The following TMEM178B variants were observed in gnomAD, a reference collection of about 807,000 sequenced individuals.
TMEM178B encodes transmembrane protein 178B.
A neutral mutation model predicts 31.0 loss-of-function variants in TMEM178B; 5 were observed. That is an observed-to-expected ratio of 0.16 (90% confidence interval 0.08 to 0.34). The LOEUF is 0.34. Ranked by LOEUF, TMEM178B falls within the 10% of genes least tolerant of loss-of-function variation. The probability of loss-of-function intolerance (pLI) is 1.00; values close to 1 mark genes in which losing one functional copy is unlikely to be tolerated. For missense variants in TMEM178B, 275 were observed against 400.3 expected (o/e 0.69, Z 2.67); for synonymous variants, 164 against 164.0 (o/e 1.00, Z 0.00).
rs550891729 is a variant in TMEM178B at position 141,476,559 on chromosome 7, G to A, written c.*5773G>A. On this transcript the variant is annotated 3_prime_UTR_variant, in exon 4 of 4. Transcript: ENST00000565468. ...TCTTTCAAGTTTAGGATGAGACCAA[G>A]TCTCAAGGAGCTGGGATCTTCTTTC... 3.3e-5 allele frequency: 5 copies of A among 152,272 alleles called. No individual in the cohort carries two copies. In the East Asian group the frequency reaches 5.8e-4, roughly 18 times the overall value. 9.4% of individuals were successfully genotyped at this position (152,272 alleles called of 1,614,324 possible).
intron 2 of TMEM178B, among the ~76,000 whole-genome samples, chr7:141,427,481 T>G (rs1801340265): frequency 6.6e-6 from 1 of 152,168 alleles, no homozygotes; most frequent in South Asian, 2.1e-4. Context: ...GTAAATGGTG[T>G]TGGGAAAACT....
intron 3 of TMEM178B, among the ~76,000 whole-genome samples, 187 bp downstream of exon 3, chr7:141,437,932 G>A (rs1215790028): frequency 1.3e-5 from 2 of 152,122 alleles, no homozygotes; most frequent in Admixed American, 6.5e-5. Context: ...CAGCTGTTGG[G>A]GATACAAAGG....
chr7:141,295,714 G>A (rs553053031), intron 2 of TMEM178B, among the ~76,000 whole-genome samples: 1 of 145,002 alleles, frequency 6.9e-6, no homozygotes. Flanking sequence ...TGTATCAAGA[G>A]AGGCAATTCA....
intron 1 of TMEM178B, among the ~76,000 whole-genome samples, chr7:141,211,177 G>C (rs1254236128): frequency 6.6e-6 from 1 of 152,124 alleles, no homozygotes; most frequent in Admixed American, 6.5e-5. Context: ...GAATGCTGGG[G>C]ACATGTGAGA....
At chr7:141,252,480 G>T (rs111489324) in intron 2 of TMEM178B, among the ~76,000 whole-genome samples, 2,652 of 152,304 alleles carry the variant, frequency 0.017, 79 homozygotes, top group African/African-American at 0.061. Flanking sequence ...CCACGATGTA[G>T]ACGTCACTCT....
intron 2 of TMEM178B, among the ~76,000 whole-genome samples, chr7:141,296,760 T>G (rs376385660): frequency 2.0e-5 from 3 of 152,262 alleles, no homozygotes; most frequent in African/African-American, 7.2e-5. Flanking sequence ...TCTGGCAGAA[T>G]TTTAAGTCTG....
At position 141,231,166 on chromosome 7, in the gene TMEM178B, C is replaced by T. The variant is rs200312069; in HGVS notation, c.496+18462C>T. On this transcript the variant is annotated intron_variant, in intron 2 of 3. Coordinates refer to ENST00000565468, the MANE Select transcript of TMEM178B (RefSeq NM_001195278.2). ...AGGACTGAGACATTGTCCTGTTTGC[C>T]TCTGCATTTCCAGCGCCTAGAACAG... is the stretch of plus-strand genomic sequence containing the variant. Among the ~76,000 whole-genome samples the T allele has an allele frequency of 2.0e-5, 3 of 152,166 alleles. No homozygotes were observed. The East Asian group carries it at 5.8e-4, about 29-fold the overall frequency.
intron 1 of TMEM178B, among the ~76,000 whole-genome samples, chr7:141,075,277 C>T (rs752998336): frequency 6.6e-6 from 1 of 152,136 alleles, no homozygotes; most frequent in Admixed American, 6.5e-5. Context: ...TTCTTTATGT[C>T]TCCTTCTGAA....
chr7:141,206,474 T>C (rs6464420), intron 1 of TMEM178B, among the ~76,000 whole-genome samples: 100,461 of 152,044 alleles, frequency 0.66, 33,652 homozygotes, highest in Middle Eastern at 0.7. Context: ...ACCTACCCTC[T>C]GGCTTCTAGT....
At chr7:141,168,724 CA>C (rs756609509) in intron 1 of TMEM178B, among the ~76,000 whole-genome samples, 2 of 151,896 alleles carry the variant, frequency 1.3e-5, no homozygotes, top group Non-Finnish European at 2.9e-5. Context: ...GAGCTGAGAT[CA>C]TGCCACAGCA....
rs533998449 is a variant in TMEM178B at position 141,354,768 on chromosome 7, CTTTG to C, written c.497-82833_497-82830del. The stretch of plus-strand genomic sequence containing the variant: ...CTCCCTTTAGTTCCATTTCTGTGTC[CTTTG>C]TTTGTTCCTGAGCCATTGTTACTTG... On this transcript the variant is annotated intron_variant, in intron 2 of 3. Coordinates refer to ENST00000565468, the MANE Select transcript of TMEM178B (RefSeq NM_001195278.2). Among the ~76,000 whole-genome samples, 492 of 152,216 alleles carry C rather than the reference CTTTG, an allele frequency of 3.2e-3. 1 individual carries two copies. Among genetic ancestry groups the C allele is most frequent in the Non-Finnish European group, 5.6e-3 (378 of 68,014 alleles).
chr7:141,373,150 T>C (rs1666578450), intron 2 of TMEM178B, among the ~76,000 whole-genome samples: 1 of 152,174 alleles, frequency 6.6e-6, no homozygotes, highest in Non-Finnish European at 1.5e-5. Flanking sequence ...AGATCTTGCA[T>C]ATGAAATACC....
intron 1 of TMEM178B, among the ~76,000 whole-genome samples, chr7:141,087,317 C>T (rs1172756829): frequency 6.6e-6 from 1 of 151,910 alleles, no homozygotes; most frequent in African/African-American, 2.4e-5. Flanking sequence ...TGCTTTATTC[C>T]CTTCTGATGT....
chr7:141,406,355 A>T (rs1452659963), intron 2 of TMEM178B, among the ~76,000 whole-genome samples: 1 of 152,038 alleles, frequency 6.6e-6, no homozygotes, highest in Non-Finnish European at 1.5e-5. Flanking sequence ...CCTGCCTTCC[A>T]TCTTGACCCT....
intron 2 of TMEM178B, among the ~76,000 whole-genome samples, chr7:141,326,020 G>A (rs1417314018): frequency 6.6e-6 from 1 of 152,162 alleles, no homozygotes; most frequent in Admixed American, 6.5e-5. Flanking sequence ...TAGTCAGAAA[G>A]TTTATAGAAT....
chr7:141,418,668 C>G (rs1231434553), intron 2 of TMEM178B, among the ~76,000 whole-genome samples: 1 of 152,144 alleles, frequency 6.6e-6, no homozygotes, highest in Non-Finnish European at 1.5e-5. Flanking sequence ...AAATTCTATT[C>G]TTACCCTTCT....
intron 2 of TMEM178B, among the ~76,000 whole-genome samples, chr7:141,387,350 A>G (rs1800450672): frequency 6.6e-6 from 1 of 152,120 alleles, no homozygotes; most frequent in Admixed American, 6.5e-5. Context: ...TATTCTATAG[A>G]TAGGGAAACT....
At chr7:141,116,107 T>C (rs746187902) in intron 1 of TMEM178B, among the ~76,000 whole-genome samples, 6 of 152,206 alleles carry the variant, frequency 3.9e-5, no homozygotes, top group Non-Finnish European at 7.3e-5. Flanking sequence ...ACTGACTTCA[T>C]TCTCTTTGAA....
intron 1 of TMEM178B, among the ~76,000 whole-genome samples, chr7:141,195,028 G>T (rs1371360385): frequency 1.3e-5 from 2 of 152,222 alleles, no homozygotes; most frequent in African/African-American, 4.8e-5. Context: ...ACAGCACGGG[G>T]ACCCTGGGCC....
Sources: allele counts gnomAD v4.1 joint callset (sites outside exome capture counted in the v4.1 genomes callset), GRCh38; gene constraint gnomAD v4.1.1; transcripts MANE v1.5; gene names NCBI Gene and HGNC (gene_info 2026-07-23, HGNC 2026-07-21).